CTNNA3: variants seen among roughly 807,000 people sequenced by gnomAD.
CTNNA3 encodes catenin alpha 3.
A neutral mutation model predicts 95.7 loss-of-function variants in CTNNA3; 76 were observed. The observed-to-expected ratio is 0.79, with a 90% CI of 0.66 to 0.96. The LOEUF (loss-of-function observed/expected upper bound fraction) is 0.96. Ranked by LOEUF, CTNNA3 falls within the 40% of genes least tolerant of loss-of-function variation. CTNNA3 has a pLI of 0.00. For missense variants in CTNNA3, 1,191 were observed against 1,089.8 expected, an observed-to-expected ratio of 1.09 and a Z score of -1.31; for synonymous variants, 431 against 374.4, an observed-to-expected ratio of 1.15 and a Z score of -1.74.
intron 12 of CTNNA3, among the ~76,000 whole-genome samples, chr10:66,366,383 A>G (rs150878492): frequency 2.4e-3 from 360 of 152,322 alleles, no homozygotes; most frequent in African/African-American, 8.3e-3. Context: ...GACTGCACAA[A>G]TTCTATGCTA....
intron 12 of CTNNA3, among the ~76,000 whole-genome samples, chr10:66,298,841 A>C (rs2091820743): frequency 6.6e-6 from 1 of 152,190 alleles, no homozygotes; most frequent in African/African-American, 2.4e-5. Flanking sequence ...TCAGAGAAAC[A>C]TTTACAACAT....
chr10:66,337,701 T>A (rs1488911812), intron 12 of CTNNA3, among the ~76,000 whole-genome samples: 3 of 152,132 alleles, frequency 2.0e-5, no homozygotes, highest in Non-Finnish European at 4.4e-5. Context: ...TAATGAGATG[T>A]CATTTCATAG....
upstream of CTNNA3, among the ~76,000 whole-genome samples, chr10:67,701,056 G>C (rs955662153): frequency 2.0e-5 from 3 of 152,138 alleles, no homozygotes; most frequent in East Asian, 1.9e-4. Context: ...TGAAATGAAG[G>C]GAGAAGGGAA....
At chr10:66,487,857 G>A (rs899350733) in intron 11 of CTNNA3, among the ~76,000 whole-genome samples, 2 of 152,068 alleles carry the variant, frequency 1.3e-5, no homozygotes, top group African/African-American at 4.8e-5. Context: ...AAGAGATTTT[G>A]GTAAATACTC....
chr10:67,562,501 A>C (rs888890258), intron 3 of CTNNA3, among the ~76,000 whole-genome samples: 2 of 152,196 alleles, frequency 1.3e-5, no homozygotes, highest in African/African-American at 4.8e-5. Context: ...AAATAATAAG[A>C]GCTATCTATG....
intron 17 of CTNNA3, among the ~76,000 whole-genome samples, chr10:65,929,727 C>T (rs894168434): frequency 2.0e-5 from 3 of 151,990 alleles, no homozygotes; most frequent in African/African-American, 7.2e-5. Context: ...CGCCACCACG[C>T]CCTGCTAATT....
At chr10:67,386,459 T>C (rs1844168072) in intron 5 of CTNNA3, among the ~76,000 whole-genome samples, 1 of 152,118 alleles carries the variant, frequency 6.6e-6, no homozygotes, top group South Asian at 2.1e-4. Flanking sequence ...TACCCTCTCT[T>C]CAGATGGTAA....
At chr10:66,297,440 A>G (rs2091797014) in intron 12 of CTNNA3, among the ~76,000 whole-genome samples, 1 of 152,174 alleles carries the variant, frequency 6.6e-6, no homozygotes. Context: ...TTAATCATAT[A>G]TTTTCAAAAA....
chr10:67,249,621 T>G (rs898784691), intron 5 of CTNNA3, among the ~76,000 whole-genome samples: 43 of 152,178 alleles, frequency 2.8e-4, no homozygotes, highest in Admixed American at 2.0e-4. Context: ...ATATTAAACA[T>G]TGAAATAAAT....
chr10:67,717,503 A>G (rs1841151272), intron 1 of CTNNA3, among the ~76,000 whole-genome samples: 1 of 152,208 alleles, frequency 6.6e-6, no homozygotes, highest in African/African-American at 2.4e-5. Context: ...TATAAGATGT[A>G]AGGACAAGGT....
chr10:67,335,405 A>G (rs1054694536), intron 5 of CTNNA3, among the ~76,000 whole-genome samples: 1 of 152,214 alleles, frequency 6.6e-6, no homozygotes. Flanking sequence ...GACACCAAAC[A>G]GTGGGGTCCA....
intron 7 of CTNNA3, chr10:66,928,100 T>C (rs766282133): frequency 6.2e-7 from 1 of 1,613,948 alleles, no homozygotes; most frequent in Non-Finnish European, 8.5e-7. Context: ...AAACCCCCTT[T>C]GCCCCCGACG....
chr10:67,664,094 T>A (rs1266817713), intron 1 of CTNNA3, among the ~76,000 whole-genome samples: 1 of 152,272 alleles, frequency 6.6e-6, no homozygotes, highest in Non-Finnish European at 1.5e-5. Flanking sequence ...AAGTAGCTAA[T>A]CCCATTTACA....
At chr10:66,866,245 C>G (rs1006941001) in intron 7 of CTNNA3, among the ~76,000 whole-genome samples, 6 of 152,138 alleles carry the variant, frequency 3.9e-5, no homozygotes, top group African/African-American at 1.2e-4. Context: ...CCTTCTATAC[C>G]AAGAGGATAC....
chr10:67,739,696 T>A (rs1214497125), intron 1 of CTNNA3, among the ~76,000 whole-genome samples: 1 of 152,102 alleles, frequency 6.6e-6, no homozygotes, highest in Non-Finnish European at 1.5e-5. Flanking sequence ...TGGTCATGGA[T>A]AGGAAGAATC....
At chr10:67,429,433 G>A (rs528617120) in intron 5 of CTNNA3, among the ~76,000 whole-genome samples, 1 of 152,040 alleles carries the variant, frequency 6.6e-6, no homozygotes, top group South Asian at 2.1e-4. Context: ...CCAGAGTTCT[G>A]TTTTCTTAAT....
At chr10:66,554,846 C>G (rs934509518) in intron 10 of CTNNA3, among the ~76,000 whole-genome samples, 1 of 151,944 alleles carries the variant, frequency 6.6e-6, no homozygotes, top group African/African-American at 2.4e-5. Context: ...TTTTCAGTCT[C>G]TCACTGACAC....
At chr10:66,528,607 T>G (rs1181351907) in intron 10 of CTNNA3, among the ~76,000 whole-genome samples, 1 of 152,130 alleles carries the variant, frequency 6.6e-6, no homozygotes, top group African/African-American at 2.4e-5. Flanking sequence ...TAAGGGGAAG[T>G]TGAGTTGAGG....
intron 5 of CTNNA3, among the ~76,000 whole-genome samples, chr10:67,412,283 T>A: frequency 6.6e-6 from 1 of 152,152 alleles, no homozygotes; most frequent in East Asian, 1.9e-4. Context: ...GTTTCATGCA[T>A]TCATTAGCAA....
Sources: allele counts gnomAD v4.1 joint callset (sites outside exome capture counted in the v4.1 genomes callset), GRCh38; gene constraint gnomAD v4.1.1; transcripts MANE v1.5; gene names NCBI Gene and HGNC (gene_info 2026-07-23, HGNC 2026-07-21).